Variants in CPN1 observed in about 807,000 individuals in gnomAD.
The protein encoded by CPN1 is carboxypeptidase N catalytic chain.
A neutral mutation model predicts 46.4 loss-of-function variants in CPN1; 37 were observed. The observed-to-expected ratio is 0.80, with a 90% CI of 0.61 to 1.05. CPN1 has a LOEUF of 1.05. Among genes scored for constraint, CPN1 ranks in the 50% least tolerant of loss-of-function variants. The pLI is 0.00. For synonymous variants in CPN1, 224 were observed against 235.4 expected (o/e 0.95, Z 0.44); for missense variants, 563 against 602.6 (o/e 0.93, Z 0.69).
At position 100,042,546 on chromosome 10, in the gene CPN1, G is replaced by A. The variant is rs774936084; in HGVS notation, c.1258C>T (p.Pro420Ser). Residue 420 changes from proline to serine, a missense_variant, in exon 9 of 9, where the codon CCT becomes TCT. Pro to Ser is a moderately conservative substitution (Grantham distance 74). Transcript: ENST00000370418. ...LVNFHLKRSI[P>S]QVSPVRRAPS... ...GCTCTCCTCACAGGGCTTACTTGAGGGATGCTTCTTTTGAGGTGGAAGTTA... is the reference window on the plus strand; with the variant it reads ...GCTCTCCTCACAGGGCTTACTTGAGAGATGCTTCTTTTGAGGTGGAAGTTA... 5.0e-6 allele frequency: 8 copies of A among 1,613,786 alleles called. No individual in the cohort carries two copies. The African/African-American group carries it at 8.0e-5, about 16-fold the overall frequency.
intron 8 of CPN1, among the ~76,000 whole-genome samples, chr10:100,048,064 T>C (rs2041325187): frequency 6.6e-6 from 1 of 152,162 alleles, no homozygotes; most frequent in African/African-American, 2.4e-5. Context: ...CCAATTAATC[T>C]GCCTTTTGAG....
In CPN1 at chr10:100,069,844, A is replaced by G. The variant is rs778433278; in HGVS notation, c.446T>C (p.Val149Ala). 20 of 1,613,892 alleles carry G rather than the reference A, an allele frequency of 1.2e-5. No individual in the cohort carries two copies. The highest frequency in any genetic ancestry group is 1.7e-5 in the Admixed American group (1 of 59,948). Residue 149 changes from valine to alanine, a missense_variant, in exon 3 of 9, where the codon GTT becomes GCT. By Grantham distance (64) the Val-to-Ala change is moderately conservative (BLOSUM62 0). Coordinates refer to ENST00000370418, the MANE Select transcript of CPN1 (RefSeq NM_001308.3). ...CACTCCATTTGCATTGTTCCTGCCA[A>G]CTAGATACCCAGGCTTGTTTGGGCC... ...AQGPNKPGYL[V>A]GRNNANGVDL...
intron 3 of CPN1, among the ~76,000 whole-genome samples, chr10:100,066,401 T>C (rs942470949): frequency 2.0e-5 from 3 of 152,200 alleles, no homozygotes; most frequent in African/African-American, 7.2e-5. Flanking sequence ...AGGACTCCAA[T>C]AAATCAATCT....
At chr10:100,052,702 T>TA (rs1310344939) in intron 7 of CPN1, among the ~76,000 whole-genome samples, 2 of 151,440 alleles carry the variant, frequency 1.3e-5, no homozygotes, top group Non-Finnish European at 2.9e-5. Flanking sequence ...TCTGTCTCTG[T>TA]AAAAAAATAA....
Position 100,065,346 on chromosome 10 carries a change from T to G in CPN1, c.601A>C (p.Ile201Leu), listed in dbSNP as rs147649421. 60 of 1,613,992 alleles carry G rather than the reference T, an allele frequency of 3.7e-5. No homozygotes were observed. Among genetic ancestry groups the G allele is most frequent in the Non-Finnish European group, 4.8e-5 (57 of 1,180,034 alleles). ...AAGTTGAAGGAGTGCATCCACCGGA[T>G]CACCGCCCGGGTCTCGGGTTCCACC... Reference protein sequence around the residue: ...SQVEPETRAVIRWMHSFNFVL... With the variant: ...SQVEPETRAVLRWMHSFNFVL... The change falls in exon 4 of 9, where the codon ATC becomes CTC. Residue 201 changes from isoleucine to leucine, a missense_variant. Physicochemically the swap from Ile to Leu is conservative, Grantham distance 5. Coordinates refer to ENST00000370418, the MANE Select transcript of CPN1 (RefSeq NM_001308.3).
intron 7 of CPN1, 79 bp from the exon 8 acceptor site, chr10:100,048,955 A>G: frequency 8.6e-7 from 1 of 1,160,918 alleles, no homozygotes. Context: ...TCTGACTACA[A>G]GGTTGGCTTT....
chr10:100,057,133 ATAAT>A lies in CPN1; in HGVS notation c.887_890del (p.Asn296IlefsTer13). ...TGATCTCAAAGCAGTTGGTATGGAG[ATAAT>A]TAAAGTCTTGCATTCCTAAGGGAAA... On this transcript the variant is annotated frameshift_variant, in exon 6 of 9. Transcript: ENST00000370418. LOFTEE classifies it high-confidence loss of function. The A allele has an allele frequency of 6.2e-7, 1 of 1,614,100 alleles. No individual in the cohort carries two copies. The highest frequency in any genetic ancestry group is 1.1e-5 in the South Asian group (1 of 91,080).
chr10:100,069,480 T>TA (rs35376380), intron 3 of CPN1, among the ~76,000 whole-genome samples: 122 of 146,696 alleles, frequency 8.3e-4, no homozygotes, highest in East Asian at 5.0e-3. Context: ...GACTCTGTCT[T>TA]AAAAAAAAAA....
At chr10:100,080,085 C>CAAA (rs34214082) in intron 1 of CPN1, among the ~76,000 whole-genome samples, 6 of 124,748 alleles carry the variant, frequency 4.8e-5, no homozygotes, top group South Asian at 5.4e-4. Context: ...GACTCCATCT[C>CAAA]AAAAAAAAAA....
chr10:100,045,940 A>G (rs992728701), intron 8 of CPN1, among the ~76,000 whole-genome samples: 2 of 152,274 alleles, frequency 1.3e-5, no homozygotes, highest in Non-Finnish European at 2.9e-5. Flanking sequence ...AGATCTGTAG[A>G]TGTCTGTTAA....
intron 6 of CPN1, among the ~76,000 whole-genome samples, chr10:100,054,841 C>CTTTT (rs56250435): frequency 7.5e-6 from 1 of 132,736 alleles, no homozygotes; most frequent in South Asian, 2.4e-4. Flanking sequence ...TTCTTTCTTT[C>CTTTT]TTTTTTTTTT....
intron 2 of CPN1, among the ~76,000 whole-genome samples, chr10:100,072,520 T>C (rs1168401288): frequency 1.3e-5 from 2 of 152,210 alleles, no homozygotes; most frequent in Non-Finnish European, 2.9e-5. Flanking sequence ...GGTTACACTA[T>C]GGAAACTCAC....
Position 100,048,787 on chromosome 10 carries a change from C to T in CPN1, c.1201G>A (p.Val401Met). The T allele has an allele frequency of 6.2e-7, 1 of 1,613,578 alleles. No individual in the cohort carries two copies. Among genetic ancestry groups the T allele is most frequent in the Non-Finnish European group, 8.5e-7 (1 of 1,179,594 alleles). The part of the protein sequence containing the change: ...APGYDPETVT[V>M]TVGPAEPTLV... The stretch of plus-strand genomic sequence containing the variant: ...GTTGGTTCCGCAGGACCCACGGTCA[C>T]AGTTACTGTCTCTGGGTCATACCCA... The change falls in exon 8 of 9, where the codon GTG (valine) becomes ATG (methionine). Residue 401 changes from valine to methionine, a missense_variant. Coordinates refer to ENST00000370418, the MANE Select transcript of CPN1 (RefSeq NM_001308.3).
At chr10:100,080,885 C>G (rs2041540994) in intron 1 of CPN1, among the ~76,000 whole-genome samples, 2 of 152,032 alleles carry the variant, frequency 1.3e-5, no homozygotes, top group South Asian at 4.2e-4. Context: ...AGAGCCAGAC[C>G]CCGTCTCAAA....
Position 100,042,280 on chromosome 10 carries a change from AC to A in CPN1, c.*146del, listed in dbSNP as rs2041278883. 1 of 1,107,258 alleles carries A rather than the reference AC, an allele frequency of 9.0e-7. No homozygotes were observed. The allele number at this position is 1,107,258 out of a possible 1,614,324, so 68.6% of individuals were successfully genotyped here. A position where few individuals can be genotyped will look rare whatever the true frequency, so the allele number is the denominator to read the frequency against. ...TTTCATGATGACCTAGAGATGGCTT[AC>A]CCCTGGAACAGATGGAGACCATTCT... On this transcript the variant is annotated 3_prime_UTR_variant, in exon 9 of 9. Transcript: ENST00000370418.
intron 1 of CPN1, among the ~76,000 whole-genome samples, chr10:100,080,051 A>C (rs2041535535): frequency 6.6e-6 from 1 of 151,228 alleles, no homozygotes; most frequent in Non-Finnish European, 1.5e-5. Flanking sequence ...GCACCACTGC[A>C]TTCCAGCCTG....
chr10:100,046,379 T>G (rs1040234348), intron 8 of CPN1, among the ~76,000 whole-genome samples: 23 of 152,010 alleles, frequency 1.5e-4, no homozygotes, highest in African/African-American at 5.6e-4. Flanking sequence ...GGCCAAGGTG[T>G]GAGGATCTCT....
chr10:100,054,837 CTTTCTT>C (rs1468756359), intron 6 of CPN1, among the ~76,000 whole-genome samples: 5 of 126,026 alleles, frequency 4.0e-5, no homozygotes, highest in African/African-American at 8.7e-5. Flanking sequence ...TCTTTTCTTT[CTTTCTT>C]TTTTTTTTTT....
At chr10:100,069,630 T>A (rs1413885757) in intron 3 of CPN1, 84 bp downstream of exon 3, 12 of 1,500,520 alleles carry the variant, frequency 8.0e-6, no homozygotes, top group Admixed American at 6.7e-5. Context: ...CTTGTTTAGT[T>A]GATGTAAAGA....
Sources: gnomAD v4.1 joint callset for allele counts (sites outside exome capture counted in the v4.1 genomes callset) on GRCh38, gnomAD v4.1.1 for gene constraint, MANE v1.5 for transcripts, NCBI Gene and HGNC (gene_info 2026-07-23, HGNC 2026-07-21) for gene names.